The following TOB1 variants were observed in gnomAD, a reference collection of about 807,000 sequenced individuals.
TOB1 encodes protein Tob1.
TOB1 carries 2 observed loss-of-function variants against 22.9 expected under a neutral mutation model. The ratio of observed to expected loss-of-function variants is 0.09; its 90% confidence interval spans 0.04 to 0.28. TOB1 has a LOEUF of 0.28. Among genes scored for constraint, TOB1 ranks in the 10% least tolerant of loss-of-function variants. The probability of loss-of-function intolerance (pLI) is 1.00; values close to 1 mark genes in which losing one functional copy is unlikely to be tolerated. For synonymous variants in TOB1, 154 were observed against 150.6 expected (o/e 1.02, Z -0.17); for missense variants, 299 against 420.5 (o/e 0.71, Z 2.53).
rs940145830 is a variant in TOB1, at chr17:50,866,108, AGCGCGGCAGGGCGGGG to A, written c.-213_-198del. ...ACAGACCCGCGGCTGGGCGGGGAGC[AGCGCGGCAGGGCGGGG>A]GCGCGGGAGGGTCGGGAGCGGCGAG... On this transcript the variant is annotated 5_prime_UTR_variant, in exon 1 of 2. Transcript: ENST00000499247. 11 of 151,860 alleles carry A rather than the reference AGCGCGGCAGGGCGGGG, an allele frequency of 7.2e-5. No individual in the cohort carries two copies. The highest frequency in any genetic ancestry group is 2.4e-4 in the African/African-American group (10 of 41,306). 9.4% of individuals were successfully genotyped at this position (151,860 alleles called of 1,614,324 possible). A position where few individuals can be genotyped will look rare whatever the true frequency, so the allele number is the denominator to read the frequency against.
chr17:50,863,389 C>G lies in TOB1; in HGVS notation c.629G>C (p.Gly210Ala), dbSNP rs775169717. Reference sequence around the variant, plus strand: ...CTTCAAGAGGTCATTCACATTCAAGCCGAGGTTGATGGGAGAAGTACGTGC... The same window carrying G: ...CTTCAAGAGGTCATTCACATTCAAGGCGAGGTTGATGGGAGAAGTACGTGC... ...KVARTSPINL[G>A]LNVNDLLKQK... is the part of the protein sequence containing the mutation. Residue 210 changes from glycine (G) to alanine (A), a missense_variant, in exon 2 of 2, where the codon GGC (glycine) becomes GCC (alanine). Physicochemically the swap from Gly to Ala is moderately conservative, Grantham distance 60 (BLOSUM62 0). Coordinates refer to ENST00000499247, the MANE Select transcript of TOB1 (RefSeq NM_005749.4). 51 of 1,613,920 alleles carry G rather than the reference C, an allele frequency of 3.2e-5. No individual in the cohort carries two copies. The highest frequency in any genetic ancestry group is 4.0e-5 in the African/African-American group (3 of 74,858).
rs1972252887 is a variant in TOB1 at position 50,863,656 on chromosome 17, C to A, written c.362G>T (p.Gly121Val). 1.9e-6 allele frequency: 3 copies of A among 1,614,152 alleles called. No individual in the cohort carries two copies. The highest frequency in any genetic ancestry group is 2.5e-6 in the Non-Finnish European group (3 of 1,180,022). ...TTTGATCTCCTTATCCAACTCACAT[C>A]CATTTTCATTATTATCATCCACGTA... ...VLYVDDNNEN[G>V]CELDKEIKNS... is the part of the protein sequence containing the mutation. Residue 121 changes from glycine (G) to valine (V), a missense_variant, in exon 2 of 2, where the codon GGA becomes GTA. By Grantham distance (109) the Gly-to-Val change is moderately radical. Transcript: ENST00000499247.
Position 50,863,314 on chromosome 17 carries a change from C to T in TOB1, c.704G>A (p.Gly235Asp). ...SMHSLYGLGLGSQQQPQQQQQ... is the reference protein window; with the variant it reads ...SMHSLYGLGLDSQQQPQQQQQ... ...CTGTTGCTGTGGCTGCTGCTGGCTACCCAAGCCAAGCCCATACAGAGAGTG... is the reference window on the plus strand; with the variant it reads ...CTGTTGCTGTGGCTGCTGCTGGCTATCCAAGCCAAGCCCATACAGAGAGTG... The change falls in exon 2 of 2, where the codon GGT becomes GAT. Residue 235 changes from glycine (G) to aspartate (D), a missense_variant. Coordinates refer to ENST00000499247, the MANE Select transcript of TOB1 (RefSeq NM_005749.4). 9.9e-6 allele frequency: 16 copies of T among 1,614,110 alleles called. No individual in the cohort carries two copies. The highest frequency in any genetic ancestry group is 2.2e-5 in the South Asian group (2 of 91,080).
intron 1 of TOB1, 59 bp from the exon 2 acceptor site, chr17:50,864,222 T>C: frequency 3.1e-6 from 3 of 976,144 alleles, no homozygotes; most frequent in Admixed American, 3.9e-5. Context: ...CCCATGACCT[T>C]CCCCCCTCCA....
rs1972253653 is a variant in TOB1, at chr17:50,863,682, A to C, written c.336T>G (p.Leu112=). The C allele has an allele frequency of 1.2e-6, 2 of 1,613,926 alleles. No individual in the cohort carries two copies. The highest frequency in any genetic ancestry group is 1.3e-5 in the African/African-American group (1 of 74,850). The change falls in exon 2 of 2, where the codon CTT becomes CTG. Residue 112 remains leucine, a synonymous_variant. Coordinates refer to ENST00000499247, the MANE Select transcript of TOB1 (RefSeq NM_005749.4). The part of the protein sequence containing the change: ...QIGEKGPVKV[L]YVDDNNENGC... ...CATTTTCATTATTATCATCCACGTA[A>C]AGCACCTTCACTGGTCCCTTTTCAC... is the stretch of plus-strand genomic sequence containing the variant.
In TOB1 at chr17:50,864,080, AT is replaced by A; in HGVS notation, c.-64del. The A allele has an allele frequency of 7.1e-7, 1 of 1,399,448 alleles. No individual in the cohort carries two copies. Among genetic ancestry groups the A allele is most frequent in the Non-Finnish European group, 9.4e-7 (1 of 1,069,514 alleles). 86.7% of individuals were successfully genotyped at this position (1,399,448 alleles called of 1,614,324 possible). A position where few individuals can be genotyped will look rare whatever the true frequency, so the allele number is the denominator to read the frequency against. On this transcript the variant is annotated 5_prime_UTR_variant, in exon 2 of 2. Coordinates refer to ENST00000499247, the MANE Select transcript of TOB1 (RefSeq NM_005749.4). ...CCAAAAAAAAAAAAAAAAAAAAAAG[AT>A]GTTCAGTTTGTGGCAGAGAAACAAA...
At chr17:50,867,019 G>A (rs1296969466), upstream of TOB1, 1 of 152,312 alleles carries the variant, frequency 6.6e-6, no homozygotes. Flanking sequence ...CCAGAGAGTG[G>A]CAGCTGCAGA....
At position 50,863,570 on chromosome 17, in the gene TOB1, A is replaced by G. The variant is rs768385575; in HGVS notation, c.448T>C (p.Ser150Pro). Residue 150 changes from serine (S) to proline (P), a missense_variant, in exon 2 of 2, where the codon TCC (serine) becomes CCC (proline). Transcript: ENST00000499247. Reference protein sequence around the residue: ...MPISDPASSVSSSPSPPFGHS... With the variant: ...MPISDPASSVPSSPSPPFGHS... ...CCAAAAGGAGGCGATGGAGAGCTGG[A>G]CACTGATGAGGCTGGGTCACTTATG... The G allele has an allele frequency of 1.9e-6, 3 of 1,614,184 alleles. No individual in the cohort carries two copies. Among genetic ancestry groups the G allele is most frequent in the Admixed American group, 1.7e-5 (1 of 60,016 alleles).
In TOB1 at chr17:50,863,293, T is replaced by C. The variant is rs1275559396; in HGVS notation, c.725A>G (p.Gln242Arg). 2.5e-6 allele frequency: 4 copies of C among 1,613,524 alleles called. No individual in the cohort carries two copies. The South Asian group carries it at 4.4e-5, about 18-fold the overall frequency. ...LGLGSQQQPQ[Q>R]QQQPAQPPPP... ...TGGCGGCTGGGCTGGCTGCTGCTGT[T>C]GCTGTGGCTGCTGCTGGCTACCCAA... Residue 242 changes from glutamine (Q) to arginine (R), a missense_variant, in exon 2 of 2, where the codon CAA becomes CGA. By Grantham distance (43) the Gln-to-Arg change is conservative (BLOSUM62 1). Transcript: ENST00000499247.
chr17:50,862,870 C>A lies in TOB1; in HGVS notation c.*110G>T. 1 of 1,372,072 alleles carries A rather than the reference C, an allele frequency of 7.3e-7. No homozygotes were observed. Among genetic ancestry groups the A allele is most frequent in the Non-Finnish European group, 9.6e-7 (1 of 1,043,064 alleles). The allele number at this position is 1,372,072 out of a possible 1,614,324, so 85.0% of individuals were successfully genotyped here. The stretch of plus-strand genomic sequence containing the variant: ...TTTTATTATTATTTTTTTAACCAAG[C>A]TTGAATGTATCCTTACTATAAGCTT... On this transcript the variant is annotated 3_prime_UTR_variant, in exon 2 of 2. Coordinates refer to ENST00000499247, the MANE Select transcript of TOB1 (RefSeq NM_005749.4).
upstream of TOB1, chr17:50,867,425 C>T (rs999675187): frequency 6.6e-6 from 1 of 152,122 alleles, no homozygotes; most frequent in Non-Finnish European, 1.5e-5. Flanking sequence ...ACAACCTGCC[C>T]CAGAGAAATA....
At position 50,863,127 on chromosome 17, in the gene TOB1, G is replaced by A. The variant is rs761445178; in HGVS notation, c.891C>T (p.Asn297=). The change falls in exon 2 of 2, where the codon AAC becomes AAT. Residue 297 remains asparagine (N), a synonymous_variant. Coordinates refer to ENST00000499247, the MANE Select transcript of TOB1 (RefSeq NM_005749.4). ...NGMFPGDSPL[N]LSPLQYSNAF... is the part of the protein sequence containing the mutation. ...CATTACTGTACTGGAGAGGACTGAG[G>A]TTAAGGGGGCTGTCACCTGGGAACA... 1 of 1,614,066 alleles carries A rather than the reference G, an allele frequency of 6.2e-7. No homozygotes were observed. Among genetic ancestry groups the A allele is most frequent in the African/African-American group, 1.3e-5 (1 of 74,918 alleles).
chr17:50,865,530 AAGG>A (rs1366124584), intron 1 of TOB1, among the ~76,000 whole-genome samples: 7 of 152,174 alleles, frequency 4.6e-5, no homozygotes, highest in African/African-American at 1.7e-4. Flanking sequence ...CTCCTCGGAG[AAGG>A]AGGAGGAAGG....
At position 50,866,308 on chromosome 17, in the gene TOB1, C is replaced by A. The variant is rs1972305891; in HGVS notation, c.-397G>T. On this transcript the variant is annotated 5_prime_UTR_variant, in exon 1 of 2. Transcript: ENST00000499247. Reference sequence around the variant, plus strand: ...CACAGCCCGGTGCCCGGCCCAGCGTCCCCGTAGTGCGCCCGCTACACGCCG... The same window carrying A: ...CACAGCCCGGTGCCCGGCCCAGCGTACCCGTAGTGCGCCCGCTACACGCCG... 1 of 152,432 alleles carries A rather than the reference C, an allele frequency of 6.6e-6. No homozygotes were observed. Among genetic ancestry groups the A allele is most frequent in the East Asian group, 1.9e-4 (1 of 5,172 alleles). The allele number at this position is 152,432 out of a possible 1,614,324, so 9.4% of individuals were successfully genotyped here.
At chr17:50,864,899 T>C (rs1457626929) in intron 1 of TOB1, among the ~76,000 whole-genome samples, 1 of 152,208 alleles carries the variant, frequency 6.6e-6, no homozygotes, top group African/African-American at 2.4e-5. Context: ...GCAGCAAGTA[T>C]AACAAAAGCA....
At chr17:50,865,086 G>A (rs1972275969) in intron 1 of TOB1, among the ~76,000 whole-genome samples, 1 of 152,138 alleles carries the variant, frequency 6.6e-6, no homozygotes, top group Admixed American at 6.5e-5. Flanking sequence ...GCACTGGGTG[G>A]GGATAAGAAA....
intron 1 of TOB1, 24 bp downstream of exon 1, chr17:50,866,034 C>A (rs1205454085): frequency 1.3e-5 from 2 of 152,158 alleles, no homozygotes; most frequent in African/African-American, 2.4e-5. Context: ...TCGCCGACCC[C>A]GCCCGGCGCC....
chr17:50,864,213 C>T, intron 1 of TOB1, 50 bp from the exon 2 acceptor site: 1 of 1,060,204 alleles, frequency 9.4e-7, no homozygotes. Context: ...AATATAAGTC[C>T]CATGACCTTC....
chr17:50,863,435 T>C lies in TOB1; in HGVS notation c.583A>G (p.Ser195Gly), dbSNP rs1972247231. Residue 195 changes from serine (S) to glycine (G), a missense_variant, in exon 2 of 2, where the codon AGT becomes GGT. By Grantham distance (56) the Ser-to-Gly change is moderately conservative. Transcript: ENST00000499247. ...CGTGCAACCTTGTTGCTACGGCCAC[T>C]ATTCTTCATTTTGGTAGAGCCGAAC... ...TKFGSTKMKN[S>G]GRSNKVARTS... The C allele has an allele frequency of 9.3e-6, 15 of 1,614,178 alleles. No individual in the cohort carries two copies. The highest frequency in any genetic ancestry group is 1.3e-5 in the Non-Finnish European group (15 of 1,180,032).
Sources: gnomAD v4.1 joint callset for allele counts (sites outside exome capture counted in the v4.1 genomes callset) on GRCh38, gnomAD v4.1.1 for gene constraint, MANE v1.5 for transcripts, NCBI Gene and HGNC (gene_info 2026-07-23, HGNC 2026-07-21) for gene names.